Variants in LGSN observed in about 807,000 individuals in gnomAD.
LGSN encodes the protein lengsin, lens protein with glutamine synthetase domain, also known as lengsin.
LGSN carries 21 observed loss-of-function variants against 19.5 expected under a neutral mutation model. That is an observed-to-expected ratio of 1.07 (90% confidence interval 0.76 to 1.55). The LOEUF is 1.55. Ranked by LOEUF, LGSN falls within the 40% of genes most tolerant of loss-of-function variation. The probability of loss-of-function intolerance (pLI) is 0.00; values close to 1 mark genes in which losing one functional copy is unlikely to be tolerated. For synonymous variants in LGSN, 257 were observed against 215.6 expected (o/e 1.19, Z -1.68); for missense variants, 673 against 608.5 (o/e 1.11, Z -1.12).
the LGSN span, among the ~76,000 whole-genome samples, chr6:63,547,451 A>G: frequency 6.6e-6 from 1 of 150,706 alleles, no homozygotes; most frequent in Non-Finnish European, 1.5e-5. Flanking sequence ...CGGCCTCCCA[A>G]AGTGCTGGGA....
chr6:63,331,917 T>C, the LGSN span, among the ~76,000 whole-genome samples: 6 of 152,090 alleles, frequency 3.9e-5, no homozygotes. Flanking sequence ...CTCCTGTTAG[T>C]ATTGGGATTT....
chr6:63,521,098 G>A, the LGSN span, among the ~76,000 whole-genome samples: 1 of 152,106 alleles, frequency 6.6e-6, no homozygotes, highest in Admixed American at 6.6e-5. Context: ...TGGGGGAAAA[G>A]GGGAGGGAGA....
chr6:63,502,104 G>A, the LGSN span, among the ~76,000 whole-genome samples: 1 of 152,186 alleles, frequency 6.6e-6, no homozygotes, highest in African/African-American at 2.4e-5. Flanking sequence ...CTGGCCCAGT[G>A]TAAGTTTTCT....
the LGSN span, chr6:63,396,883 A>C: frequency 7.0e-4 from 107 of 153,212 alleles, 1 homozygote; most frequent in Middle Eastern, 6.8e-3. Flanking sequence ...GGGTGTTCTC[A>C]CCTGTTCAAA....
the LGSN span, among the ~76,000 whole-genome samples, chr6:63,494,426 A>G: frequency 6.6e-6 from 1 of 152,180 alleles, no homozygotes; most frequent in African/African-American, 2.4e-5. Context: ...ATAGAGGAGT[A>G]AGAGTGCCAA....
At chr6:63,490,150 C>T in the LGSN span, among the ~76,000 whole-genome samples, 2 of 151,978 alleles carry the variant, frequency 1.3e-5, no homozygotes, top group African/African-American at 4.8e-5. Context: ...TAAAAGTAAA[C>T]TATTTGGTTT....
At chr6:63,540,333 C>A in the LGSN span, among the ~76,000 whole-genome samples, 17 of 152,170 alleles carry the variant, frequency 1.1e-4, no homozygotes, top group Non-Finnish European at 2.4e-4. Context: ...ATAGATAGAT[C>A]TGAAAATCCA....
the LGSN span, among the ~76,000 whole-genome samples, chr6:63,384,619 G>A: frequency 6.6e-6 from 1 of 151,472 alleles, no homozygotes; most frequent in Non-Finnish European, 1.5e-5. Context: ...CCAGGTTCAA[G>A]CAATTCTCCT....
the LGSN span, among the ~76,000 whole-genome samples, chr6:63,365,973 G>A: frequency 6.6e-6 from 1 of 152,108 alleles, no homozygotes; most frequent in Non-Finnish European, 1.5e-5. Flanking sequence ...CAAACCCACA[G>A]CCAATATCAT....
At chr6:63,532,567 C>T in the LGSN span, among the ~76,000 whole-genome samples, 1 of 151,488 alleles carries the variant, frequency 6.6e-6, no homozygotes, top group African/African-American at 2.4e-5. Context: ...CCATTAAATC[C>T]ACAAAAAAAA....
chr6:63,352,005 G>A, the LGSN span, among the ~76,000 whole-genome samples: 2 of 152,008 alleles, frequency 1.3e-5, no homozygotes, highest in African/African-American at 2.4e-5. Context: ...TCGTAGATAT[G>A]GTACTTAAGA....
At chr6:63,404,096 C>G in the LGSN span, among the ~76,000 whole-genome samples, 1 of 152,060 alleles carries the variant, frequency 6.6e-6, no homozygotes, top group Non-Finnish European at 1.5e-5. Context: ...GAATCCAGTC[C>G]TAGATGACAC....
chr6:63,446,731 C>T, the LGSN span, among the ~76,000 whole-genome samples: 1 of 152,014 alleles, frequency 6.6e-6, no homozygotes, highest in Non-Finnish European at 1.5e-5. Context: ...CTTACTTGAC[C>T]CAAGAAAAAT....
At chr6:63,493,317 G>T in the LGSN span, among the ~76,000 whole-genome samples, 1 of 152,182 alleles carries the variant, frequency 6.6e-6, no homozygotes, top group Non-Finnish European at 1.5e-5. Flanking sequence ...GCAGAGCACA[G>T]ATTTCTTAAC....
the LGSN span, among the ~76,000 whole-genome samples, chr6:63,363,892 T>C: frequency 6.6e-6 from 1 of 151,950 alleles, no homozygotes; most frequent in Non-Finnish European, 1.5e-5. Flanking sequence ...CAAGACACAA[T>C]TGTCAGATTC....
the LGSN span, among the ~76,000 whole-genome samples, chr6:63,425,238 CT>C: frequency 6.6e-6 from 1 of 152,236 alleles, no homozygotes; most frequent in Non-Finnish European, 1.5e-5. Context: ...CATGCAACTA[CT>C]GTACAACCCA....
At chr6:63,356,870 G>A in the LGSN span, among the ~76,000 whole-genome samples, 1 of 152,030 alleles carries the variant, frequency 6.6e-6, no homozygotes, top group Non-Finnish European at 1.5e-5. Context: ...TAGGGTACAT[G>A]TACACAACGT....
intron 2 of LGSN, among the ~76,000 whole-genome samples, chr6:63,291,988 T>A (rs1767789367): frequency 6.6e-6 from 1 of 152,174 alleles, no homozygotes; most frequent in African/African-American, 2.4e-5. Flanking sequence ...AGAAAAGCTC[T>A]AAATATGAGA....
chr6:63,550,366 G>A, the LGSN span: 1 of 152,138 alleles, frequency 6.6e-6, no homozygotes, highest in Non-Finnish European at 1.5e-5. Context: ...TCACCATTTG[G>A]TGAGCTGAGG....
Sources: allele counts gnomAD v4.1 joint callset (sites outside exome capture counted in the v4.1 genomes callset), GRCh38; gene constraint gnomAD v4.1.1; transcripts MANE v1.5; gene names NCBI Gene and HGNC (gene_info 2026-07-23, HGNC 2026-07-21).